Variants in RSF1 observed in about 807,000 individuals in gnomAD.
RSF1 encodes the protein HBV pX-associated protein 8.
In RSF1, 13 loss-of-function variants were observed where a neutral mutation model predicts 145.2. That is an observed-to-expected ratio of 0.09 (90% CI 0.06 to 0.14). The LOEUF is 0.14. RSF1 is among the 10% of genes least tolerant of loss of function. RSF1 has a pLI of 1.00. For missense variants in RSF1, 1,517 were observed against 1,718.2 expected, an observed-to-expected ratio of 0.88 and a Z score of 2.07; for synonymous variants, 577 against 592.6, an observed-to-expected ratio of 0.97 and a Z score of 0.38.
the RSF1 span, among the ~76,000 whole-genome samples, chr11:77,860,478 G>A: frequency 2.0e-5 from 3 of 152,212 alleles, no homozygotes; most frequent in African/African-American, 2.4e-5. Flanking sequence ...AGAGCTGAGC[G>A]TTTGGTTTGG....
rs1053040389 is a variant in RSF1 at position 77,664,056 on chromosome 11, G to A, written c.*2861C>T. 1.3e-5 allele frequency: 2 copies of A among 152,092 alleles called. No individual in the cohort carries two copies. The highest frequency in any genetic ancestry group is 2.9e-5 in the Non-Finnish European group (2 of 68,018). The allele number at this position is 152,092 out of a possible 1,614,324, so 9.4% of individuals were successfully genotyped here. On this transcript the variant is annotated 3_prime_UTR_variant, in exon 16 of 16. Transcript: ENST00000308488. ...TGCTTTCCTATACTTTCTGCAGTTC[G>A]TAGTGACTGTATTGTCTTTGTATAC...
At chr11:77,781,203 C>T (rs1196014713) in intron 1 of RSF1, among the ~76,000 whole-genome samples, 1 of 152,006 alleles carries the variant, frequency 6.6e-6, no homozygotes, top group Non-Finnish European at 1.5e-5. Context: ...TGGGTTCATA[C>T]AATTCTCCTG....
Position 77,820,690 on chromosome 11 carries a change from C to CCGCCGCTGCCGCCGCCGT in RSF1, c.7_24dup (p.Thr3_Ala8dup), listed in dbSNP as rs1291206497. The CCGCCGCTGCCGCCGCCGT allele has an allele frequency of 3.9e-6, 6 of 1,549,842 alleles. No homozygotes were observed. Among genetic ancestry groups the CCGCCGCTGCCGCCGCCGT allele is most frequent in the East Asian group, 2.4e-5 (1 of 41,294 alleles). Reference sequence around the variant, plus strand: ...GGGCAGCCCGGAGGAGCCATCACCGCCGCCGCTGCCGCCGCCGTCGCCATT... The same window carrying CCGCCGCTGCCGCCGCCGT: ...GGGCAGCCCGGAGGAGCCATCACCGCCGCCGCTGCCGCCGCCGTCGCCGCTGCCGCCGCCGTCGCCATT... On this transcript the variant is annotated inframe_insertion, in exon 1 of 16. Coordinates refer to ENST00000308488, the MANE Select transcript of RSF1 (RefSeq NM_016578.4).
intron 1 of RSF1, among the ~76,000 whole-genome samples, chr11:77,792,701 G>A (rs550038646): frequency 3.7e-4 from 56 of 151,392 alleles, no homozygotes; most frequent in Non-Finnish European, 7.5e-4. Context: ...AAACTTTACC[G>A]GCCAGGAGAG....
chr11:77,807,852 C>T (rs1016155728), intron 1 of RSF1, among the ~76,000 whole-genome samples: 52 of 152,106 alleles, frequency 3.4e-4, no homozygotes, highest in African/African-American at 1.3e-3. Flanking sequence ...AAACACTGAA[C>T]TACAAGGAAA....
chr11:77,821,651 C>T (rs1387087021), upstream of RSF1, among the ~76,000 whole-genome samples: 1 of 151,600 alleles, frequency 6.6e-6, no homozygotes, highest in South Asian at 2.1e-4. Flanking sequence ...GCTGGGACTC[C>T]ATTGAGAGGC....
At chr11:77,740,975 A>T in intron 3 of RSF1, 39 bp from the exon 4 acceptor site, 1 of 1,425,152 alleles carries the variant, frequency 7.0e-7, no homozygotes, top group Non-Finnish European at 9.8e-7. Context: ...ATACCTCACA[A>T]ATATTTCTCC....
the RSF1 span, among the ~76,000 whole-genome samples, chr11:77,827,965 G>A: frequency 4.4e-3 from 665 of 152,196 alleles, 4 homozygotes; most frequent in African/African-American, 0.015. Flanking sequence ...CTGTACATTA[G>A]CAATGAACAA....
intron 1 of RSF1, among the ~76,000 whole-genome samples, chr11:77,807,684 T>C (rs1948690684): frequency 6.6e-6 from 1 of 152,200 alleles, no homozygotes; most frequent in South Asian, 2.1e-4. Context: ...CATTCCTGAT[T>C]ACACATTAAA....
At chr11:77,736,361 C>T (rs1459206935) in intron 4 of RSF1, among the ~76,000 whole-genome samples, 3 of 152,170 alleles carry the variant, frequency 2.0e-5, no homozygotes, top group African/African-American at 7.2e-5. Flanking sequence ...CAATCATCTT[C>T]TTTGTGGTTG....
At chr11:77,808,500 T>C (rs1272588532) in intron 1 of RSF1, among the ~76,000 whole-genome samples, 1 of 151,938 alleles carries the variant, frequency 6.6e-6, no homozygotes, top group African/African-American at 2.4e-5. Flanking sequence ...TTTCAATATA[T>C]TTTAGTATCC....
rs539654872 is a variant in RSF1, at chr11:77,756,282, C to T, written c.279+8316G>A. Among the ~76,000 whole-genome samples, 44 of 149,692 alleles carry T rather than the reference C, an allele frequency of 2.9e-4. No individual in the cohort carries two copies. In the Admixed American group the frequency reaches 3.0e-3, roughly 10 times the overall value. Reference sequence around the variant, plus strand: ...CTGAGGCAGGAGAGTCCCTTGAACCCAGGAGGCAGAGGTTGCAGTGAGCTG... The same window carrying T: ...CTGAGGCAGGAGAGTCCCTTGAACCTAGGAGGCAGAGGTTGCAGTGAGCTG... On this transcript the variant is annotated intron_variant, in intron 2 of 15. Coordinates refer to ENST00000308488, the MANE Select transcript of RSF1 (RefSeq NM_016578.4).
At chr11:77,819,891 A>G (rs1948832288) in intron 1 of RSF1, among the ~76,000 whole-genome samples, 1 of 151,222 alleles carries the variant, frequency 6.6e-6, no homozygotes, top group Non-Finnish European at 1.5e-5. Context: ...GTGGGGGAGG[A>G]GCAGACCTCC....
the RSF1 span, chr11:77,872,172 C>A: frequency 6.2e-7 from 1 of 1,611,648 alleles, no homozygotes; most frequent in Non-Finnish European, 8.5e-7. Flanking sequence ...TCCACCTTCC[C>A]AGGTGCCTTC....
rs1948677486 is a variant in RSF1, at chr11:77,806,336, A to G, written c.187+14192T>C. Among the ~76,000 whole-genome samples, 4 of 152,312 alleles carry G rather than the reference A, an allele frequency of 2.6e-5. No individual in the cohort carries two copies. The South Asian group carries it at 8.3e-4, about 32-fold the overall frequency. ...TTAACTATACTCAGAGGATTCAAAT[A>G]AAAAGTAATAAGCTTAGAAGAGGTT... On this transcript the variant is annotated intron_variant, in intron 1 of 15. Coordinates refer to ENST00000308488, the MANE Select transcript of RSF1 (RefSeq NM_016578.4).
intron 3 of RSF1, among the ~76,000 whole-genome samples, chr11:77,745,973 C>T (rs1309400959): frequency 6.6e-6 from 1 of 151,862 alleles, no homozygotes; most frequent in Non-Finnish European, 1.5e-5. Context: ...ATAATAAATA[C>T]ATAGTATACA....
At chr11:77,782,727 T>C (rs1445589560) in intron 1 of RSF1, among the ~76,000 whole-genome samples, 1 of 152,200 alleles carries the variant, frequency 6.6e-6, no homozygotes, top group Non-Finnish European at 1.5e-5. Context: ...AATCTTAGTG[T>C]CTGTAACGTT....
In RSF1 at chr11:77,734,742, C is replaced by T. The variant is rs1961298503; in HGVS notation, c.578+5989G>A. On this transcript the variant is annotated intron_variant, in intron 4 of 15. Transcript: ENST00000308488. ...CACACTCCATCACATTCAGCCCGCT[C>T]TCCCAGTCATCACAGTCTGGTTTTT... is the stretch of plus-strand genomic sequence containing the variant. 21 of 1,507,660 alleles carry T rather than the reference C, an allele frequency of 1.4e-5. No homozygotes were observed. In the South Asian group the frequency reaches 1.8e-4, roughly 13 times the overall value. The allele number at this position is 1,507,660 out of a possible 1,614,324, so 93.4% of individuals were successfully genotyped here. A position where few individuals can be genotyped will look rare whatever the true frequency, so the allele number is the denominator to read the frequency against.
At chr11:77,688,123 C>T (rs1960058046) in intron 9 of RSF1, among the ~76,000 whole-genome samples, 2 of 152,042 alleles carry the variant, frequency 1.3e-5, no homozygotes, top group South Asian at 4.2e-4. Flanking sequence ...AAATCCTCGT[C>T]TCTACTAAAA....
Sources: gnomAD v4.1 joint callset for allele counts (sites outside exome capture counted in the v4.1 genomes callset) on GRCh38, gnomAD v4.1.1 for gene constraint, MANE v1.5 for transcripts, NCBI Gene and HGNC (gene_info 2026-07-23, HGNC 2026-07-21) for gene names.